CDKAL1: variants seen among roughly 807,000 people sequenced by gnomAD.
CDKAL1 encodes threonylcarbamoyladenosine tRNA methylthiotransferase.
In CDKAL1, 32 loss-of-function variants were observed where a neutral mutation model predicts 68.2. The ratio of observed to expected loss-of-function variants is 0.47; its 90% CI spans 0.35 to 0.63. The LOEUF is 0.63. Ranked by LOEUF, CDKAL1 falls within the 30% of genes least tolerant of loss-of-function variation. The pLI, the probability that CDKAL1 is intolerant of heterozygous loss-of-function variation, is 0.00. For synonymous variants in CDKAL1, 234 were observed against 244.3 expected, an observed-to-expected ratio of 0.96 and a Z score of 0.39; for missense variants, 606 against 696.7, an observed-to-expected ratio of 0.87 and a Z score of 1.47.
chr6:20,943,884 C>T (rs1208126463), intron 9 of CDKAL1, among the ~76,000 whole-genome samples: 3 of 151,884 alleles, frequency 2.0e-5, no homozygotes, highest in Admixed American at 1.3e-4. Flanking sequence ...ATTAAAAGTA[C>T]GAACCCAGCC....
At chr6:20,705,165 A>G (rs1771539731) in intron 5 of CDKAL1, among the ~76,000 whole-genome samples, 2 of 152,226 alleles carry the variant, frequency 1.3e-5, no homozygotes, top group Admixed American at 1.3e-4. Context: ...TTATAATTGC[A>G]AGGCATGCGA....
chr6:20,977,864 T>G (rs1765915509), intron 10 of CDKAL1, among the ~76,000 whole-genome samples: 1 of 152,138 alleles, frequency 6.6e-6, no homozygotes, highest in Non-Finnish European at 1.5e-5. Context: ...AGCAACAGAG[T>G]GAGACTCCGT....
chr6:21,175,164 A>G (rs1370954694), intron 13 of CDKAL1, among the ~76,000 whole-genome samples: 2 of 152,228 alleles, frequency 1.3e-5, no homozygotes, highest in Non-Finnish European at 2.9e-5. Context: ...CCAATTGGGC[A>G]TTAATGGTGA....
chr6:20,836,520 T>C (rs1027179425), intron 8 of CDKAL1, among the ~76,000 whole-genome samples: 2 of 152,186 alleles, frequency 1.3e-5, no homozygotes, highest in African/African-American at 4.8e-5. Context: ...TCACCACCTC[T>C]TGGGATGGAA....
intron 2 of CDKAL1, among the ~76,000 whole-genome samples, chr6:20,540,116 C>T (rs920596608): frequency 3.4e-5 from 5 of 147,614 alleles, no homozygotes; most frequent in Admixed American, 2.0e-4. Context: ...CTCTGTTGGC[C>T]GGGCTGGAGT....
chr6:20,738,077 G>C (rs534206408), intron 5 of CDKAL1, among the ~76,000 whole-genome samples: 8 of 152,306 alleles, frequency 5.3e-5, no homozygotes, highest in Admixed American at 2.0e-4. Flanking sequence ...CAGAAACTCA[G>C]CTGCTAATAC....
At chr6:20,663,062 T>C (rs1289943552) in intron 5 of CDKAL1, among the ~76,000 whole-genome samples, 1 of 152,094 alleles carries the variant, frequency 6.6e-6, no homozygotes, top group Non-Finnish European at 1.5e-5. Flanking sequence ...TCACATGCAC[T>C]TTCCCCCACA....
intron 15 of CDKAL1, among the ~76,000 whole-genome samples, chr6:21,206,411 GCTAA>G (rs1365464055): frequency 6.6e-6 from 1 of 152,048 alleles, no homozygotes; most frequent in Non-Finnish European, 1.5e-5. Flanking sequence ...TTTAATAAAG[GCTAA>G]CTAGTTTTAC....
At chr6:20,776,586 C>T (rs528338165) in intron 7 of CDKAL1, among the ~76,000 whole-genome samples, 4 of 152,198 alleles carry the variant, frequency 2.6e-5, no homozygotes, top group Admixed American at 6.5e-5. Flanking sequence ...TAGAGCTGTA[C>T]GAATTATGTA....
At chr6:20,878,550 G>C (rs1043290331) in intron 9 of CDKAL1, among the ~76,000 whole-genome samples, 1 of 151,952 alleles carries the variant, frequency 6.6e-6, no homozygotes, top group African/African-American at 2.4e-5. Context: ...GACCAGCCTG[G>C]CCAACATGGT....
chr6:21,225,598 G>GT (rs1322078341), intron 15 of CDKAL1, among the ~76,000 whole-genome samples: 1 of 152,134 alleles, frequency 6.6e-6, no homozygotes, highest in East Asian at 1.9e-4. Context: ...ACTTCCTAAG[G>GT]TAGATGGCTT....
chr6:21,102,327 G>A (rs143781196), intron 12 of CDKAL1, among the ~76,000 whole-genome samples: 6 of 152,222 alleles, frequency 3.9e-5, no homozygotes, highest in African/African-American at 1.4e-4. Flanking sequence ...TGGGCCTAGC[G>A]TTGCCTACAC....
chr6:20,817,938 C>G (rs150875843), intron 8 of CDKAL1, among the ~76,000 whole-genome samples: 1,689 of 152,202 alleles, frequency 0.011, 29 homozygotes, highest in African/African-American at 0.038. Flanking sequence ...ATGATTGTAG[C>G]CTGAAGCCTC....
chr6:20,912,394 G>A (rs958394785), intron 9 of CDKAL1, among the ~76,000 whole-genome samples: 1 of 152,162 alleles, frequency 6.6e-6, no homozygotes, highest in Non-Finnish European at 1.5e-5. Context: ...TTCAGCAGAC[G>A]AGTACTTTTA....
chr6:20,739,391 G>A (rs1170208163), intron 5 of CDKAL1, 128 bp from the exon 6 acceptor site: 3 of 559,748 alleles, frequency 5.4e-6, no homozygotes, highest in African/African-American at 3.8e-5. Flanking sequence ...TTAACCAGTT[G>A]TAAGAAAATC....
chr6:20,930,930 A>G (rs1424525260), intron 9 of CDKAL1, among the ~76,000 whole-genome samples: 1 of 149,834 alleles, frequency 6.7e-6, no homozygotes, highest in Non-Finnish European at 1.5e-5. Flanking sequence ...TTTTTAGTAG[A>G]GACGGGGTTT....
chr6:21,192,809 CCTTTTTT>C (rs1200212601), intron 13 of CDKAL1, among the ~76,000 whole-genome samples: 23 of 139,880 alleles, frequency 1.6e-4, no homozygotes, highest in African/African-American at 6.1e-4. Flanking sequence ...GTTGAGAGTT[CCTTTTTT>C]TTTTTTTTTT....
intron 13 of CDKAL1, among the ~76,000 whole-genome samples, chr6:21,170,126 T>A (rs1047724202): frequency 2.6e-5 from 4 of 152,126 alleles, no homozygotes; most frequent in Non-Finnish European, 4.4e-5. Flanking sequence ...AAGTTTAATG[T>A]CTGCTGTCTT....
chr6:20,861,997 G>A (rs1422482698), intron 9 of CDKAL1, among the ~76,000 whole-genome samples: 1 of 152,174 alleles, frequency 6.6e-6, no homozygotes. Context: ...TTTTTTGTAT[G>A]ATGTGTTATG....
Sources: gnomAD v4.1 joint callset for allele counts (sites outside exome capture counted in the v4.1 genomes callset) on GRCh38, gnomAD v4.1.1 for gene constraint, MANE v1.5 for transcripts, NCBI Gene and HGNC (gene_info 2026-07-23, HGNC 2026-07-21) for gene names.